The following DLGAP4 variants were observed in gnomAD, a reference collection of about 807,000 sequenced individuals.
DLGAP4 encodes the protein DLG associated protein 4, also known as disks large-associated protein 4.
DLGAP4 carries 18 observed loss-of-function variants against 86.9 expected under a neutral mutation model. That is an observed-to-expected ratio of 0.21 (90% CI 0.14 to 0.31). The LOEUF is 0.31. DLGAP4 is among the 10% of genes least tolerant of loss of function. DLGAP4 has a pLI of 1.00. For synonymous variants in DLGAP4, 548 were observed against 574.3 expected, an observed-to-expected ratio of 0.95 and a Z score of 0.65; for missense variants, 1,085 against 1,362.6, an observed-to-expected ratio of 0.80 and a Z score of 3.21.
intron 10 of DLGAP4, among the ~76,000 whole-genome samples, chr20:36,515,132 T>C (rs775241537): frequency 1.1e-4 from 17 of 152,210 alleles, no homozygotes; most frequent in Non-Finnish European, 1.8e-4. Flanking sequence ...TTTACTGTTT[T>C]CCATTCATTG....
intron 1 of DLGAP4, among the ~76,000 whole-genome samples, chr20:36,344,264 C>A (rs1477441780): frequency 6.6e-6 from 1 of 152,222 alleles, no homozygotes; most frequent in Non-Finnish European, 1.5e-5. Context: ...TCAGAATATT[C>A]ATCTGTATTC....
At chr20:36,307,276 T>C (rs1457887699) in intron 1 of DLGAP4, among the ~76,000 whole-genome samples, 1 of 152,160 alleles carries the variant, frequency 6.6e-6, no homozygotes, top group Non-Finnish European at 1.5e-5. Context: ...TGGTGGCGGA[T>C]GGACCAGGTG....
intron 10 of DLGAP4, among the ~76,000 whole-genome samples, chr20:36,522,452 T>A (rs1473023501): frequency 6.6e-6 from 1 of 152,116 alleles, no homozygotes; most frequent in Non-Finnish European, 1.5e-5. Context: ...TGAGCCACTA[T>A]GCCCAAGCCT....
At position 36,514,322 on chromosome 20, in the gene DLGAP4, G is replaced by C. The variant is rs147172981; in HGVS notation, c.2513-9928G>C. Among the ~76,000 whole-genome samples the C allele has an allele frequency of 4.0e-3, 615 of 152,280 alleles. 5 individuals are homozygous for C. The highest frequency in any genetic ancestry group is 0.014 in the African/African-American group (584 of 41,548). On this transcript the variant is annotated intron_variant, in intron 10 of 12. Coordinates refer to ENST00000339266, the MANE Select transcript of DLGAP4 (RefSeq NM_001365621.2). ...AGGATTAAGAGAAGAGAAAACAGGA[G>C]AGTAATTGGAGACCACATGCATGGA...
chr20:36,504,896 G>C (rs904066437), intron 10 of DLGAP4, among the ~76,000 whole-genome samples: 1 of 151,990 alleles, frequency 6.6e-6, no homozygotes, highest in Non-Finnish European at 1.5e-5. Flanking sequence ...ATGGGTGCTA[G>C]ACCCTCATCA....
chr20:36,517,930 TAAC>T (rs1243163361), intron 10 of DLGAP4, among the ~76,000 whole-genome samples: 2 of 152,156 alleles, frequency 1.3e-5, no homozygotes, highest in Non-Finnish European at 2.9e-5. Context: ...TGAAGGAATT[TAAC>T]AACAGGATTT....
At position 36,334,836 on chromosome 20, in the gene DLGAP4, G is replaced by C. The variant is rs538849411; in HGVS notation, c.-304+28324G>C. 5.9e-5 allele frequency among the ~76,000 whole-genome samples: 9 copies of C among 152,192 alleles called. No individual in the cohort carries two copies. In the East Asian group the frequency reaches 1.7e-3, roughly 29 times the overall value. Reference sequence around the variant, plus strand: ...GCAGCTGGGTCGCCGGCACAGGGTGGTCCCTTTCCCCCAGTCCTGCCTCTC... The same window carrying C: ...GCAGCTGGGTCGCCGGCACAGGGTGCTCCCTTTCCCCCAGTCCTGCCTCTC... On this transcript the variant is annotated intron_variant, in intron 1 of 12. Coordinates refer to ENST00000339266, the MANE Select transcript of DLGAP4 (RefSeq NM_001365621.2).
At chr20:36,437,085 A>G (rs2033308141) in intron 4 of DLGAP4, among the ~76,000 whole-genome samples, 1 of 152,094 alleles carries the variant, frequency 6.6e-6, no homozygotes, top group South Asian at 2.1e-4. Context: ...CCTGTCCCTC[A>G]GCTTCAGATC....
chr20:36,430,069 A>G (rs1478315240), intron 2 of DLGAP4, among the ~76,000 whole-genome samples: 1 of 152,220 alleles, frequency 6.6e-6, no homozygotes, highest in African/African-American at 2.4e-5. Context: ...AAACCTCGCC[A>G]ACCTCTCTGC....
At chr20:36,361,689 A>G (rs1369225738) in intron 1 of DLGAP4, among the ~76,000 whole-genome samples, 1 of 152,076 alleles carries the variant, frequency 6.6e-6, no homozygotes, top group Admixed American at 6.5e-5. Flanking sequence ...AAGATAGGAC[A>G]TGGCCTGGCA....
At chr20:36,462,613 T>C in intron 7 of DLGAP4, 1 of 1,589,422 alleles carries the variant, frequency 6.3e-7, no homozygotes, top group South Asian at 1.1e-5. Flanking sequence ...AGTGGTGGGG[T>C]GTCCGGGTCG....
At chr20:36,314,874 GGTGT>G (rs2065081320) in intron 1 of DLGAP4, among the ~76,000 whole-genome samples, 2 of 141,124 alleles carry the variant, frequency 1.4e-5, no homozygotes, top group South Asian at 2.4e-4. Context: ...GTGGGTATGT[GGTGT>G]GTGTGGTGTG....
chr20:36,307,741 A>G (rs1600386969), intron 1 of DLGAP4, among the ~76,000 whole-genome samples: 3 of 151,044 alleles, frequency 2.0e-5, no homozygotes, highest in Non-Finnish European at 4.4e-5. Flanking sequence ...CCTCCACTGC[A>G]CCTCCTCTCC....
chr20:36,332,364 TTTTTGTTTTTTTTGTTTTG>T (rs2065277810), intron 1 of DLGAP4, among the ~76,000 whole-genome samples: 1 of 151,296 alleles, frequency 6.6e-6, no homozygotes, highest in Non-Finnish European at 1.5e-5. Flanking sequence ...CCCGTTCCGT[TTTTTGTTTTTTTTGTTTTG>T]TTTTGTTTTT....
At position 36,434,045 on chromosome 20, in the gene DLGAP4, G is replaced by A. The variant is rs549846281; in HGVS notation, c.999+1329G>A. Among the ~76,000 whole-genome samples, 8 of 151,380 alleles carry A rather than the reference G, an allele frequency of 5.3e-5. No individual in the cohort carries two copies. The East Asian group carries it at 1.6e-3, about 29-fold the overall frequency. On this transcript the variant is annotated intron_variant, in intron 3 of 12. Transcript: ENST00000339266. ...TGCAACCTCCGCCTCCTGGGTTCCA[G>A]TGATTCTCCTGCCTCAGCCTCCTGA...
intron 1 of DLGAP4, among the ~76,000 whole-genome samples, chr20:36,323,175 C>CA (rs1164348704): frequency 0.059 from 2,062 of 35,156 alleles, 183 homozygotes; most frequent in Middle Eastern, 0.11. Context: ...GACCCTATCT[C>CA]AAAAAAAAAA....
intron 7 of DLGAP4, among the ~76,000 whole-genome samples, chr20:36,451,333 T>A (rs199776584): frequency 1.3e-5 from 2 of 152,162 alleles, no homozygotes; most frequent in East Asian, 3.9e-4. Flanking sequence ...GATAGTAGCA[T>A]CTGCTACCTG....
At chr20:36,492,025 G>C (rs541806326) in intron 7 of DLGAP4, among the ~76,000 whole-genome samples, 1 of 152,158 alleles carries the variant, frequency 6.6e-6, no homozygotes, top group East Asian at 1.9e-4. Context: ...GACGGCAGTC[G>C]GGAGGCTCTC....
Position 36,411,924 on chromosome 20 carries a change from C to T in DLGAP4, c.-72-19722C>T, listed in dbSNP as rs752916227. Among the ~76,000 whole-genome samples the T allele has an allele frequency of 3.3e-5, 5 of 152,196 alleles. No individual in the cohort carries two copies. In the East Asian group the frequency reaches 7.7e-4, roughly 23 times the overall value. On this transcript the variant is annotated intron_variant, in intron 2 of 12. Coordinates refer to ENST00000339266, the MANE Select transcript of DLGAP4 (RefSeq NM_001365621.2). ...GTCCTCAGAGATCTGGCTGAAATACCGTCTCCTCTGGGGACCCTTCCTGGT... is the reference window on the plus strand; with the variant it reads ...GTCCTCAGAGATCTGGCTGAAATACTGTCTCCTCTGGGGACCCTTCCTGGT...
Sources: gnomAD v4.1 joint callset for allele counts (sites outside exome capture counted in the v4.1 genomes callset) on GRCh38, gnomAD v4.1.1 for gene constraint, MANE v1.5 for transcripts, NCBI Gene and HGNC (gene_info 2026-07-23, HGNC 2026-07-21) for gene names.